SOX5: variants seen among roughly 807,000 people sequenced by gnomAD.
SOX5 encodes the protein transcription factor SOX-5.
A neutral mutation model predicts 92.0 loss-of-function variants in SOX5; 9 were observed. The ratio of observed to expected loss-of-function variants is 0.10; its 90% CI spans 0.06 to 0.17. SOX5 has a LOEUF of 0.17. Among genes scored for constraint, SOX5 ranks in the 10% least tolerant of loss-of-function variants. SOX5 has a pLI of 1.00. For synonymous variants in SOX5, 344 were observed against 336.3 expected, an observed-to-expected ratio of 1.02 and a Z score of -0.25; for missense variants, 642 against 944.5, an observed-to-expected ratio of 0.68 and a Z score of 4.20.
intron 4 of SOX5, among the ~76,000 whole-genome samples, chr12:24,190,732 A>G (rs1300648760): frequency 6.6e-6 from 1 of 152,232 alleles, no homozygotes; most frequent in Non-Finnish European, 1.5e-5. Context: ...ATGTGTCACC[A>G]GGAAAAAATA....
At chr12:24,127,337 G>A (rs531773001) in intron 4 of SOX5, among the ~76,000 whole-genome samples, 1 of 151,346 alleles carries the variant, frequency 6.6e-6, no homozygotes, top group Non-Finnish European at 1.5e-5. Flanking sequence ...TCAGCTGTGA[G>A]CTGAGACTGC....
chr12:24,203,274 T>C (rs1957709820), intron 4 of SOX5, among the ~76,000 whole-genome samples: 3 of 152,216 alleles, frequency 2.0e-5, no homozygotes, highest in African/African-American at 7.2e-5. Context: ...CATCATTGTT[T>C]ACTCCTTCCC....
At chr12:23,798,841 A>G (rs1215684361) in intron 3 of SOX5, among the ~76,000 whole-genome samples, 1 of 152,072 alleles carries the variant, frequency 6.6e-6, no homozygotes, top group Non-Finnish European at 1.5e-5. Flanking sequence ...AACATACTAA[A>G]ATTATTTGTA....
intron 3 of SOX5, among the ~76,000 whole-genome samples, chr12:24,258,311 T>C (rs538006479): frequency 6.6e-6 from 1 of 151,886 alleles, no homozygotes; most frequent in South Asian, 2.1e-4. Context: ...ACAAACAAAG[T>C]GAGTTACATG....
At position 23,821,366 on chromosome 12, in the gene SOX5, G is replaced by T. The variant is rs188976889; in HGVS notation, c.481+24617C>A. The stretch of plus-strand genomic sequence containing the variant: ...TTCTAAATATACAATCATGCAATCT[G>T]CAAACAGAGATAATTTGACTTCCTC... On this transcript the variant is annotated intron_variant, in intron 3 of 14. Coordinates refer to ENST00000451604, the MANE Select transcript of SOX5 (RefSeq NM_006940.6). Among the ~76,000 whole-genome samples, 40 of 152,318 alleles carry T rather than the reference G, an allele frequency of 2.6e-4. 1 individual carries two copies. In the East Asian group the frequency reaches 6.9e-3, roughly 26 times the overall value.
At chr12:23,691,900 T>C (rs2088888571) in intron 6 of SOX5, among the ~76,000 whole-genome samples, 1 of 152,068 alleles carries the variant, frequency 6.6e-6, no homozygotes, top group Admixed American at 6.6e-5. Flanking sequence ...CCTAGTTTTT[T>C]GTTGTTGTTG....
At chr12:23,842,082 A>C (rs766152752) in intron 3 of SOX5, among the ~76,000 whole-genome samples, 3 of 152,154 alleles carry the variant, frequency 2.0e-5, no homozygotes, top group Non-Finnish European at 4.4e-5. Flanking sequence ...GGGTAGGGGA[A>C]AAGTAAGTTA....
intron 3 of SOX5, among the ~76,000 whole-genome samples, chr12:24,273,613 A>C (rs1199131776): frequency 6.6e-6 from 1 of 152,098 alleles, no homozygotes; most frequent in Non-Finnish European, 1.5e-5. Flanking sequence ...TGAAACATTT[A>C]TTCACCTTTT....
intron 2 of SOX5, among the ~76,000 whole-genome samples, chr12:23,864,173 T>G (rs184289677): frequency 1.2e-4 from 18 of 152,160 alleles, no homozygotes; most frequent in African/African-American, 4.3e-4. Flanking sequence ...GTAATTGTTT[T>G]GGAGCACCAC....
rs1173470080 is a variant in SOX5 at position 23,533,025 on chromosome 12, C to A, written c.*1194G>T. 6.7e-6 allele frequency: 2 copies of A among 296,502 alleles called. No homozygotes were observed. The highest frequency in any genetic ancestry group is 4.4e-5 in the African/African-American group (2 of 45,842). 18.4% of individuals were successfully genotyped at this position (296,502 alleles called of 1,614,324 possible). ...GTAGCTTCCATGTTATACATGCACACCTCTATTACACAGGGCCACCTGATC... is the reference window on the plus strand; with the variant it reads ...GTAGCTTCCATGTTATACATGCACAACTCTATTACACAGGGCCACCTGATC... On this transcript the variant is annotated 3_prime_UTR_variant, in exon 15 of 15. Coordinates refer to ENST00000451604, the MANE Select transcript of SOX5 (RefSeq NM_006940.6).
At chr12:24,257,513 C>T (rs546911850) in intron 3 of SOX5, among the ~76,000 whole-genome samples, 1 of 151,952 alleles carries the variant, frequency 6.6e-6, no homozygotes, top group African/African-American at 2.4e-5. Context: ...CTGTCGCCCA[C>T]GCTGGAGTGC....
At chr12:24,293,710 T>C (rs1946870308) in intron 2 of SOX5, among the ~76,000 whole-genome samples, 1 of 152,212 alleles carries the variant, frequency 6.6e-6, no homozygotes, top group Non-Finnish European at 1.5e-5. Flanking sequence ...TTTGCTGATT[T>C]TCCATTTTTG....
intron 1 of SOX5, among the ~76,000 whole-genome samples, chr12:23,946,258 T>A (rs956823650): frequency 6.6e-6 from 1 of 152,120 alleles, no homozygotes; most frequent in Non-Finnish European, 1.5e-5. Context: ...ATAATCCCAC[T>A]ACTTTCAATC....
chr12:23,627,116 C>A (rs185278732), intron 8 of SOX5, among the ~76,000 whole-genome samples: 22 of 152,246 alleles, frequency 1.4e-4, no homozygotes, highest in African/African-American at 5.3e-4. Flanking sequence ...CTGCAAATTT[C>A]CAGTAACACA....
rs71445993 is a variant in SOX5, at chr12:24,178,265, T to TCC, written c.-2+35076_-2+35077dup. Among the ~76,000 whole-genome samples, 21 of 116,422 alleles carry TCC rather than the reference T, an allele frequency of 1.8e-4. No individual in the cohort carries two copies. In the South Asian group the frequency reaches 4.9e-3, roughly 27 times the overall value. The allele number at this position is 116,422 out of a possible 152,430, so 76.4% of individuals were successfully genotyped here. On this transcript the variant is annotated intron_variant, in intron 4 of 4. Coordinates refer to the SOX5 transcript ENST00000446891. ...TTGACTTTTTTTTTTTTTTTTTTTT[T>TCC]CCCATTTAAGCACTGCAAGTATTTA...
intron 4 of SOX5, among the ~76,000 whole-genome samples, chr12:23,977,663 CA>C (rs11287193): frequency 0.32 from 41,142 of 129,252 alleles, 6,346 homozygotes; most frequent in Middle Eastern, 0.41. Flanking sequence ...CGTTCTGTCT[CA>C]AAAAAAAAAA....
chr12:24,186,700 TA>T (rs1956051291), intron 4 of SOX5, among the ~76,000 whole-genome samples: 1 of 152,146 alleles, frequency 6.6e-6, no homozygotes, highest in South Asian at 2.1e-4. Context: ...AAGTAGGCTC[TA>T]AAACTATTAC....
At chr12:23,605,931 G>C (rs187324727) in intron 8 of SOX5, among the ~76,000 whole-genome samples, 6 of 151,738 alleles carry the variant, frequency 4.0e-5, no homozygotes, top group Middle Eastern at 3.5e-3. Flanking sequence ...GTCTCATAAG[G>C]GTTTTATGTG....
In SOX5 at chr12:23,614,270, T is replaced by C. The variant is rs145580248; in HGVS notation, c.1018-9737A>G. Among the ~76,000 whole-genome samples the C allele has an allele frequency of 2.2e-3, 332 of 152,284 alleles. 1 individual carries two copies. Among genetic ancestry groups the C allele is most frequent in the African/African-American group, 7.5e-3 (310 of 41,540 alleles). On this transcript the variant is annotated intron_variant, in intron 8 of 14. Coordinates refer to ENST00000451604, the MANE Select transcript of SOX5 (RefSeq NM_006940.6). ...AACCTTCAAATCAACCAACAAAATA[T>C]GTTTATTAGCATTTAAGACTTTTCT... is the stretch of plus-strand genomic sequence containing the variant.
Sources: gnomAD v4.1 joint callset for allele counts (sites outside exome capture counted in the v4.1 genomes callset) on GRCh38, gnomAD v4.1.1 for gene constraint, MANE v1.5 for transcripts, NCBI Gene and HGNC (gene_info 2026-07-23, HGNC 2026-07-21) for gene names.